ZNF138: variants seen among roughly 807,000 people sequenced by gnomAD.
The protein encoded by ZNF138 is zinc finger protein 138 (clone pHZ-32).
ZNF138 carries 33 observed loss-of-function variants against 33.0 expected under a neutral mutation model. The ratio of observed to expected loss-of-function variants is 1.00; its 90% CI spans 0.76 to 1.34. The LOEUF is 1.34. Ranked by LOEUF, ZNF138 falls within the 40% of genes most tolerant of loss-of-function variation. The probability of loss-of-function intolerance (pLI) is 0.00; values close to 1 mark genes in which losing one functional copy is unlikely to be tolerated. For missense variants in ZNF138, 360 were observed against 370.8 expected (o/e 0.97, Z 0.24); for synonymous variants, 139 against 120.4 (o/e 1.15, Z -1.01).
chr7:64,802,880 T>G (rs951453032), intron 1 of ZNF138, among the ~76,000 whole-genome samples: 19 of 151,790 alleles, frequency 1.3e-4, no homozygotes, highest in African/African-American at 4.6e-4. Flanking sequence ...AATGCATATC[T>G]GATTGTTCCC....
rs1790265267 is a variant in ZNF138 at position 64,833,561 on chromosome 7, A to G, written c.*1359A>G. On this transcript the variant is annotated 3_prime_UTR_variant, in exon 4 of 4. Coordinates refer to ENST00000307355, the MANE Select transcript of ZNF138 (RefSeq NM_001271639.2). Reference sequence around the variant, plus strand: ...GCACAGGAAAGCATTTATACTTCAGAAAATGTTGTACTGATATAAAGAATG... The same window carrying G: ...GCACAGGAAAGCATTTATACTTCAGGAAATGTTGTACTGATATAAAGAATG... The G allele has an allele frequency of 6.4e-6, 1 of 156,516 alleles. No homozygotes were observed. Among genetic ancestry groups the G allele is most frequent in the Non-Finnish European group, 1.4e-5 (1 of 71,168 alleles). 9.7% of individuals were successfully genotyped at this position (156,516 alleles called of 1,614,324 possible).
intron 3 of ZNF138, among the ~76,000 whole-genome samples, chr7:64,817,734 A>G (rs942675135): frequency 3.9e-5 from 6 of 152,098 alleles, no homozygotes; most frequent in Non-Finnish European, 8.8e-5. Flanking sequence ...TTTCCATTTT[A>G]CCGATATAAC....
chr7:64,817,121 T>G (rs1306501323), intron 3 of ZNF138, among the ~76,000 whole-genome samples: 1 of 152,226 alleles, frequency 6.6e-6, no homozygotes, highest in Non-Finnish European at 1.5e-5. Flanking sequence ...TTTTTCCAGG[T>G]CACTGTGTGG....
At chr7:64,848,225 C>T in the ZNF138 span, among the ~76,000 whole-genome samples, 5 of 152,128 alleles carry the variant, frequency 3.3e-5, no homozygotes, top group Non-Finnish European at 7.3e-5. Context: ...TGCTCTTAAT[C>T]TGATAGGTTT....
chr7:64,840,833 CTAAA>C, the ZNF138 span, among the ~76,000 whole-genome samples: 5 of 152,006 alleles, frequency 3.3e-5, no homozygotes, highest in African/African-American at 1.2e-4. Context: ...GTATGTTACT[CTAAA>C]TAAACCTTAG....
At chr7:64,821,671 T>A (rs1345213433) in intron 3 of ZNF138, among the ~76,000 whole-genome samples, 1 of 150,408 alleles carries the variant, frequency 6.6e-6, no homozygotes, top group Non-Finnish European at 1.5e-5. Flanking sequence ...CTCAGCCTCC[T>A]GAGTAGCTGG....
At position 64,794,530 on chromosome 7, in the gene ZNF138, T is replaced by G. The variant is rs1236234117; in HGVS notation, c.-39T>G. 6.2e-7 allele frequency: 1 copy of G among 1,612,354 alleles called. No individual in the cohort carries two copies. The highest frequency in any genetic ancestry group is 2.2e-5 in the East Asian group (1 of 44,830). On this transcript the variant is annotated 5_prime_UTR_variant, in exon 1 of 4. Transcript: ENST00000307355. ...GCGCTGTGATCTGGTTATTGGGAGA[T>G]TCACAGCTAAGACGCCAGGATCCCC...
chr7:64,796,619 T>G (rs934432065), intron 1 of ZNF138, among the ~76,000 whole-genome samples: 7 of 152,216 alleles, frequency 4.6e-5, no homozygotes, highest in Admixed American at 4.6e-4. Context: ...CCAGACTGAG[T>G]TTAGGAATTT....
chr7:64,854,003 AAAAACAAAAC>A, the ZNF138 span, among the ~76,000 whole-genome samples: 2 of 145,534 alleles, frequency 1.4e-5, no homozygotes, highest in Non-Finnish European at 3.0e-5. Flanking sequence ...TCTGTCTCAA[AAAAACAAAAC>A]AAAACAAAAA....
chr7:64,796,814 A>T (rs4718113), intron 1 of ZNF138, among the ~76,000 whole-genome samples: 1 of 152,148 alleles, frequency 6.6e-6, no homozygotes, highest in Non-Finnish European at 1.5e-5. Context: ...AGGCCAAGGC[A>T]GGGAGATCAC....
the ZNF138 span, among the ~76,000 whole-genome samples, chr7:64,858,427 A>T: frequency 6.6e-6 from 1 of 152,244 alleles, no homozygotes; most frequent in Admixed American, 6.5e-5. Flanking sequence ...TTTATCAAGG[A>T]AAAAACCATA....
chr7:64,831,879 C>T lies in ZNF138; in HGVS notation c.637C>T (p.Pro213Ser). 1 of 1,613,800 alleles carries T rather than the reference C, an allele frequency of 6.2e-7. No individual in the cohort carries two copies. The highest frequency in any genetic ancestry group is 1.3e-5 in the African/African-American group (1 of 75,004). Reference protein sequence around the residue: ...TFNWSTNLSKPKKIHTGEKPY... With the variant: ...TFNWSTNLSKSKKIHTGEKPY... ...TAACTGGTCCACAAACCTTTCTAAA[C>T]CTAAGAAAATTCATACTGGAGAAAA... The change falls in exon 4 of 4, where the codon CCT (proline) becomes TCT (serine). Residue 213 changes from proline to serine, a missense_variant. Coordinates refer to ENST00000307355, the MANE Select transcript of ZNF138 (RefSeq NM_001271639.2).
chr7:64,797,353 G>A (rs539751777), intron 1 of ZNF138, among the ~76,000 whole-genome samples: 9 of 152,238 alleles, frequency 5.9e-5, no homozygotes, highest in African/African-American at 1.7e-4. Flanking sequence ...TTTGAGATAT[G>A]TGACGTAAGT....
intron 3 of ZNF138, among the ~76,000 whole-genome samples, chr7:64,817,756 G>T (rs190924269): frequency 1.3e-5 from 2 of 151,794 alleles, no homozygotes; most frequent in Non-Finnish European, 2.9e-5. Flanking sequence ...CTTCATATAC[G>T]TTTTTATTTT....
chr7:64,848,033 T>C, the ZNF138 span, among the ~76,000 whole-genome samples: 1 of 152,164 alleles, frequency 6.6e-6, no homozygotes, highest in Non-Finnish European at 1.5e-5. Flanking sequence ...TAGTAGTTGT[T>C]TTAGTGCTGG....
At chr7:64,811,131 T>TA (rs1455619699) in intron 1 of ZNF138, among the ~76,000 whole-genome samples, 2 of 152,134 alleles carry the variant, frequency 1.3e-5, no homozygotes, top group Non-Finnish European at 1.5e-5. Context: ...ATACATTTTT[T>TA]AAAAAAATCA....
At chr7:64,852,626 G>T in the ZNF138 span, 1 of 1,469,516 alleles carries the variant, frequency 6.8e-7, no homozygotes, top group South Asian at 1.1e-5. Context: ...GTTGAGCCTC[G>T]CCATGTTCAT....
At chr7:64,833,689 TTTTG>T (rs1329818983), downstream of ZNF138, 3 of 104,616 alleles carry the variant, frequency 2.9e-5, no homozygotes, top group Non-Finnish European at 3.8e-5. Context: ...CAGCATAAGG[TTTTG>T]TTTTAGTGTG....
chr7:64,835,315 GGA>G (rs1790334528), downstream of ZNF138: 1 of 152,348 alleles, frequency 6.6e-6, no homozygotes, highest in South Asian at 2.1e-4. Context: ...GTGTCACTGG[GGA>G]GAGGGCCTAA....
Sources: gnomAD v4.1 joint callset for allele counts (sites outside exome capture counted in the v4.1 genomes callset) on GRCh38, gnomAD v4.1.1 for gene constraint, MANE v1.5 for transcripts, NCBI Gene and HGNC (gene_info 2026-07-23, HGNC 2026-07-21) for gene names.